ENOX1: variants seen among roughly 807,000 people sequenced by gnomAD.
ENOX1 encodes candidate growth-related and time keeping constitutive hydroquinone (NADH) oxidase.
ENOX1 carries 42 observed loss-of-function variants against 82.5 expected under a neutral mutation model. The observed-to-expected ratio is 0.51, with a 90% CI of 0.40 to 0.66. The LOEUF (loss-of-function observed/expected upper bound fraction) is 0.66. Among genes scored for constraint, ENOX1 ranks in the 30% least tolerant of loss-of-function variants. ENOX1 has a pLI of 0.00. For missense variants in ENOX1, 608 were observed against 811.6 expected (o/e 0.75, Z 3.05); for synonymous variants, 271 against 282.2 (o/e 0.96, Z 0.40).
chr13:43,601,119 C>T (rs544349146), intron 2 of ENOX1, among the ~76,000 whole-genome samples: 27 of 152,172 alleles, frequency 1.8e-4, no homozygotes, highest in African/African-American at 6.3e-4. Flanking sequence ...TCTTCAATGA[C>T]AAGACTGGAC....
chr13:43,404,641 T>G (rs2153593042), intron 5 of ENOX1, among the ~76,000 whole-genome samples: 1 of 152,360 alleles, frequency 6.6e-6, no homozygotes, highest in South Asian at 2.1e-4. Flanking sequence ...GATAACATCT[T>G]CTTTAGAGAT....
At chr13:43,334,955 A>C (rs758904742) in intron 9 of ENOX1, among the ~76,000 whole-genome samples, 1 of 152,146 alleles carries the variant, frequency 6.6e-6, no homozygotes, top group Non-Finnish European at 1.5e-5. Context: ...AGAGTTGGGA[A>C]ATCTGTGTTG....
chr13:43,585,814 T>C (rs887561460), intron 2 of ENOX1, among the ~76,000 whole-genome samples: 2 of 152,160 alleles, frequency 1.3e-5, no homozygotes, highest in Non-Finnish European at 2.9e-5. Flanking sequence ...CCTGACCTCA[T>C]GATCCGCCCA....
intron 2 of ENOX1, among the ~76,000 whole-genome samples, chr13:43,637,030 G>T (rs559906743): frequency 1.2e-4 from 18 of 152,162 alleles, no homozygotes; most frequent in African/African-American, 3.9e-4. Flanking sequence ...GAGAAATCAG[G>T]ATTGGTGAGA....
chr13:43,472,236 T>C (rs1055929001), intron 3 of ENOX1, among the ~76,000 whole-genome samples: 1 of 152,198 alleles, frequency 6.6e-6, no homozygotes, highest in African/African-American at 2.4e-5. Flanking sequence ...CTACTATTTT[T>C]AGTAAGCATA....
chr13:43,624,499 C>T (rs765265164), intron 2 of ENOX1, among the ~76,000 whole-genome samples: 2 of 151,894 alleles, frequency 1.3e-5, no homozygotes, highest in Non-Finnish European at 2.9e-5. Context: ...AAGATTTTTT[C>T]GTATTTTTCC....
intron 3 of ENOX1, among the ~76,000 whole-genome samples, chr13:43,438,399 T>C (rs1328846532): frequency 3.3e-5 from 5 of 151,864 alleles, no homozygotes; most frequent in African/African-American, 1.2e-4. Flanking sequence ...GAGATAGCAA[T>C]TGGAATGTGG....
At chr13:43,247,858 TA>T (rs60080545) in intron 14 of ENOX1, among the ~76,000 whole-genome samples, 61 of 3,824 alleles carry the variant, frequency 0.016, 5 homozygotes, top group East Asian at 0.048. Flanking sequence ...TATATATATA[TA>T]TATATATATA....
chr13:43,292,844 C>CA (rs2046077927), intron 12 of ENOX1, among the ~76,000 whole-genome samples: 1 of 151,898 alleles, frequency 6.6e-6, no homozygotes, highest in South Asian at 2.1e-4. Context: ...ATTACCATCA[C>CA]AGTCACCATT....
chr13:43,742,365 TCCAGTCAAAGACAGGAGAAAATGGATA>T (rs1594649417), intron 1 of ENOX1, among the ~76,000 whole-genome samples: 1 of 151,886 alleles, frequency 6.6e-6, no homozygotes, highest in East Asian at 1.9e-4. Context: ...AGCATCAATG[TCCAGTCAAAGACAGGAGAAAATGGATA>T]CTCAAGCAAA....
At chr13:43,784,942 G>A (rs923634190) in intron 1 of ENOX1, among the ~76,000 whole-genome samples, 1 of 152,280 alleles carries the variant, frequency 6.6e-6, no homozygotes, top group African/African-American at 2.4e-5. Context: ...TCATTTATAC[G>A]TACACATATA....
At chr13:43,284,882 A>C (rs1335421677) in intron 12 of ENOX1, among the ~76,000 whole-genome samples, 1 of 151,948 alleles carries the variant, frequency 6.6e-6, no homozygotes, top group Non-Finnish European at 1.5e-5. Context: ...AAAAACTGGA[A>C]ACTGGAGAGG....
intron 12 of ENOX1, among the ~76,000 whole-genome samples, chr13:43,271,763 T>C (rs2044698416): frequency 6.6e-6 from 1 of 152,150 alleles, no homozygotes; most frequent in Non-Finnish European, 1.5e-5. Flanking sequence ...TCATCCATTC[T>C]TGGATTCACA....
chr13:43,624,852 T>C (rs1189191898), intron 2 of ENOX1, among the ~76,000 whole-genome samples: 1 of 152,092 alleles, frequency 6.6e-6, no homozygotes, highest in African/African-American at 2.4e-5. Flanking sequence ...TTTTAAAAAT[T>C]GTTCAAAATA....
intron 1 of ENOX1, among the ~76,000 whole-genome samples, chr13:43,765,167 T>G (rs774331395): frequency 2.6e-5 from 4 of 152,138 alleles, no homozygotes; most frequent in Non-Finnish European, 4.4e-5. Flanking sequence ...ATGGCATATA[T>G]AGAGGGTGCT....
chr13:43,386,942 A>G (rs1426307934), intron 5 of ENOX1, among the ~76,000 whole-genome samples: 1 of 152,212 alleles, frequency 6.6e-6, no homozygotes, highest in Non-Finnish European at 1.5e-5. Flanking sequence ...CTTTAAAAAA[A>G]TGGAATGTTG....
rs757484936 is a variant in ENOX1, at chr13:43,344,620, C to G, written c.954G>C (p.Met318Ile). The part of the protein sequence containing the change: ...QSANSHVRRL[M>I]NEKATHEQEM... Reference sequence around the variant, plus strand: ...CTTGCTCATGGGTGGCTTTTTCATTCATTAGCCGGCGGACGTGGCTGTTGG... The same window carrying G: ...CTTGCTCATGGGTGGCTTTTTCATTGATTAGCCGGCGGACGTGGCTGTTGG... Residue 318 changes from methionine to isoleucine, a missense_variant, in exon 9 of 17, where the codon ATG becomes ATC. Physicochemically the swap from Met to Ile is conservative, Grantham distance 10. Coordinates refer to ENST00000690772, the MANE Select transcript of ENOX1 (RefSeq NM_001347969.2). The G allele has an allele frequency of 1.9e-6, 3 of 1,614,032 alleles. No homozygotes were observed. In the South Asian group the frequency reaches 3.3e-5, roughly 18 times the overall value.
At chr13:43,434,646 T>G (rs547982488) in intron 3 of ENOX1, among the ~76,000 whole-genome samples, 12 of 152,362 alleles carry the variant, frequency 7.9e-5, no homozygotes, top group African/African-American at 2.6e-4. Context: ...GTGAAATTGA[T>G]GTTTCTGTGG....
At position 43,452,412 on chromosome 13, in the gene ENOX1, C is replaced by T. The variant is rs551169192; in HGVS notation, c.-75+31597G>A. Among the ~76,000 whole-genome samples the T allele has an allele frequency of 2.6e-5, 4 of 152,334 alleles. No homozygotes were observed. In the East Asian group the frequency reaches 7.7e-4, roughly 29 times the overall value. The stretch of plus-strand genomic sequence containing the variant: ...TTGTGTTAGTTCACTGAGAATGATA[C>T]TTTCCAGCTTCATCCATGTCCCTGC... On this transcript the variant is annotated intron_variant, in intron 3 of 16. Coordinates refer to ENST00000690772, the MANE Select transcript of ENOX1 (RefSeq NM_001347969.2).
Sources: allele counts gnomAD v4.1 joint callset (sites outside exome capture counted in the v4.1 genomes callset), GRCh38; gene constraint gnomAD v4.1.1; transcripts MANE v1.5; gene names NCBI Gene and HGNC (gene_info 2026-07-23, HGNC 2026-07-21).